The following ZNF69 variants were observed in gnomAD, a reference collection of about 807,000 sequenced individuals.
ZNF69 encodes the protein zinc finger protein 69, also known as ZNF3.
In ZNF69, 47 loss-of-function variants were observed where a neutral mutation model predicts 50.9. That is an observed-to-expected ratio of 0.92 (90% CI 0.73 to 1.18). The LOEUF (loss-of-function observed/expected upper bound fraction) is 1.18. Ranked by LOEUF, ZNF69 falls within the 50% of genes most tolerant of loss-of-function variation. The probability of loss-of-function intolerance (pLI) is 0.00; values close to 1 mark genes in which losing one functional copy is unlikely to be tolerated. For synonymous variants in ZNF69, 216 were observed against 223.1 expected (o/e 0.97, Z 0.29); for missense variants, 717 against 675.1 (o/e 1.06, Z -0.69).
chr19:11,965,135 C>G, the ZNF69 span: 3 of 1,606,450 alleles, frequency 1.9e-6, no homozygotes, highest in East Asian at 2.2e-5. Flanking sequence ...TTCTATCGCT[C>G]TGTCTCCTGC....
At chr19:11,930,251 CAG>C in the ZNF69 span, among the ~76,000 whole-genome samples, 7 of 148,504 alleles carry the variant, frequency 4.7e-5, no homozygotes, top group Non-Finnish European at 1.0e-4. Context: ...TGAGGAAAAA[CAG>C]AAATGATTCC....
At position 11,906,091 on chromosome 19, in the gene ZNF69, A is replaced by C; in HGVS notation, c.1694A>C (p.Lys565Thr). 1 of 1,610,804 alleles carries C rather than the reference A, an allele frequency of 6.2e-7. No individual in the cohort carries two copies. The highest frequency in any genetic ancestry group is 8.5e-7 in the Non-Finnish European group (1 of 1,179,012). The change falls in exon 4 of 4, where the codon AAG becomes ACG. Residue 565 changes from lysine to threonine, a missense_variant. Coordinates refer to ENST00000429654, the MANE Select transcript of ZNF69 (RefSeq NM_001364730.1). ...CCTGAAGATAAACCCTATGAGTGTA[A>C]GCAATGAGGGAAAGCCTTCAGATCT... ...THPEDKPYEC[K>T]Q is the part of the protein sequence containing the mutation.
At chr19:11,897,251 G>A (rs1351166533) in intron 1 of ZNF69, among the ~76,000 whole-genome samples, 2 of 152,194 alleles carry the variant, frequency 1.3e-5, no homozygotes, top group African/African-American at 2.4e-5. Context: ...GGAGGCTGAG[G>A]CAGGAGAATC....
At chr19:11,939,817 T>C in the ZNF69 span, 22 of 152,236 alleles carry the variant, frequency 1.4e-4, no homozygotes, top group East Asian at 3.3e-3. Context: ...ACTTACCAGC[T>C]TAAGGAATTT....
intron 1 of ZNF69, among the ~76,000 whole-genome samples, chr19:11,892,916 C>T (rs1021474915): frequency 6.6e-6 from 1 of 152,176 alleles, no homozygotes; most frequent in Non-Finnish European, 1.5e-5. Flanking sequence ...TTCACTGCAG[C>T]CTTTGCCTCC....
chr19:11,960,038 CT>C, the ZNF69 span, among the ~76,000 whole-genome samples: 5,291 of 132,002 alleles, frequency 0.04, 290 homozygotes, highest in African/African-American at 0.13. Context: ...TTTTTTTTTT[CT>C]TTTTTTTTTT....
At chr19:11,923,953 G>A in the ZNF69 span, among the ~76,000 whole-genome samples, 1 of 152,168 alleles carries the variant, frequency 6.6e-6, no homozygotes, top group African/African-American at 2.4e-5. Flanking sequence ...CAGCTGCTCA[G>A]AGCAGCTCCA....
At chr19:11,917,939 A>C (rs1393655227), downstream of ZNF69, among the ~76,000 whole-genome samples, 1 of 151,886 alleles carries the variant, frequency 6.6e-6, no homozygotes, top group Admixed American at 6.6e-5. Flanking sequence ...AGGCACCTGC[A>C]ACCACACTCA....
chr19:11,929,436 T>C, the ZNF69 span, among the ~76,000 whole-genome samples: 1 of 148,570 alleles, frequency 6.7e-6, no homozygotes. Context: ...ATGGTGGGAT[T>C]ACGGGTGTGA....
chr19:11,904,466 AAAT>A (rs1972317427), intron 3 of ZNF69, among the ~76,000 whole-genome samples, 180 bp from the exon 4 acceptor site: 1 of 152,240 alleles, frequency 6.6e-6, no homozygotes, highest in Non-Finnish European at 1.5e-5. Context: ...ACAGTTTTTT[AAAT>A]AATAGTTATG....
intron 1 of ZNF69, among the ~76,000 whole-genome samples, chr19:11,889,333 ACTC>A (rs1373350467): frequency 1.3e-5 from 2 of 151,208 alleles, no homozygotes; most frequent in East Asian, 3.9e-4. Context: ...CTGCATGTAA[ACTC>A]CTAAAGGGAG....
the ZNF69 span, chr19:11,925,368 G>A: frequency 1.9e-6 from 3 of 1,561,694 alleles, no homozygotes; most frequent in African/African-American, 2.7e-5. Context: ...CCCTGTGGGC[G>A]ACTCCGGGGT....
chr19:11,933,683 C>G, the ZNF69 span, among the ~76,000 whole-genome samples: 1 of 147,558 alleles, frequency 6.8e-6, no homozygotes, highest in Non-Finnish European at 1.5e-5. Flanking sequence ...GAAGGTCTCT[C>G]GATACCTTTG....
At chr19:11,892,227 T>A (rs1399296355) in intron 1 of ZNF69, among the ~76,000 whole-genome samples, 1 of 151,604 alleles carries the variant, frequency 6.6e-6, no homozygotes, top group East Asian at 1.9e-4. Context: ...CAGTCCTGCT[T>A]CCTTGGCCTC....
chr19:11,969,564 A>G, the ZNF69 span, among the ~76,000 whole-genome samples: 596 of 152,324 alleles, frequency 3.9e-3, no homozygotes, highest in Middle Eastern at 0.024. Flanking sequence ...ATCCTTAGGT[A>G]GGACCTTAGG....
At chr19:11,977,505 A>G in the ZNF69 span, 9 of 1,531,924 alleles carry the variant, frequency 5.9e-6, no homozygotes, top group Admixed American at 9.3e-5. Flanking sequence ...AGAGAAGTAA[A>G]ACAAAGAACT....
the ZNF69 span, among the ~76,000 whole-genome samples, chr19:11,932,854 G>A: frequency 3.4e-5 from 5 of 147,688 alleles, no homozygotes; most frequent in East Asian, 3.9e-4. Context: ...AGCCAGGATG[G>A]TCTCAATATC....
At chr19:11,978,974 G>A in the ZNF69 span, 91 of 1,614,118 alleles carry the variant, frequency 5.6e-5, no homozygotes, top group Admixed American at 2.2e-4. Flanking sequence ...AAGCATTCAC[G>A]TATCCCAGTT....
the ZNF69 span, among the ~76,000 whole-genome samples, chr19:11,955,150 G>A: frequency 5.9e-5 from 9 of 151,310 alleles, no homozygotes; most frequent in African/African-American, 1.5e-4. Context: ...GACTACAGGC[G>A]CATACCACCA....
Sources: allele counts gnomAD v4.1 joint callset (sites outside exome capture counted in the v4.1 genomes callset), GRCh38; gene constraint gnomAD v4.1.1; transcripts MANE v1.5; gene names NCBI Gene and HGNC (gene_info 2026-07-23, HGNC 2026-07-21).